The following SETDB1 variants were observed in gnomAD, a reference collection of about 807,000 sequenced individuals.
SETDB1 encodes histone-lysine N-methyltransferase SETDB1.
A neutral mutation model predicts 137.4 loss-of-function variants in SETDB1; 31 were observed. The ratio of observed to expected loss-of-function variants is 0.23; its 90% CI spans 0.17 to 0.30. The LOEUF (loss-of-function observed/expected upper bound fraction) is 0.30. SETDB1 is among the 10% of genes least tolerant of loss of function. SETDB1 has a pLI of 1.00. For synonymous variants in SETDB1, 548 were observed against 579.9 expected (o/e 0.95, Z 0.79); for missense variants, 1,113 against 1,631.5 (o/e 0.68, Z 5.47).
chr1:150,962,601 C>T lies in SETDB1; in HGVS notation c.3176C>T (p.Ser1059Phe), dbSNP rs139568050. The change falls in exon 18 of 22, where the codon TCT becomes TTT. Residue 1059 changes from serine to phenylalanine, a missense_variant. Transcript: ENST00000692827. ...RNKMSVVTES[S>F]RNYGYNPSPV... ...CCTCCCATTAGAGTTACTGAAAGCT[C>T]TCGAAATTACGGTTACAATCCTTCT... is the stretch of plus-strand genomic sequence containing the variant. 11 of 1,614,000 alleles carry T rather than the reference C, an allele frequency of 6.8e-6. No individual in the cohort carries two copies. In the African/African-American group the frequency reaches 1.3e-4, roughly 20 times the overall value.
Position 150,943,927 on chromosome 1 carries a change from A to G in SETDB1, c.883A>G (p.Ile295Val), listed in dbSNP as rs1304916332. Residue 295 changes from isoleucine (I) to valine (V), a missense_variant, in exon 8 of 22, where the codon ATT (isoleucine) becomes GTT (valine). By Grantham distance (29) the Ile-to-Val change is conservative. Around this residue, in one of 11 missense-constraint regions of SETDB1, gnomAD observed 154 missense variants for 303.1 expected, o/e 0.51. Transcript: ENST00000692827. ...GTCACTCTTCTTTTATAGGTTTCTC[A>G]TTTTCTTTGATGATGGCTATGCTTC... ...PNVKNKLRFLIFFDDGYASYV... is the reference protein window; with the variant it reads ...PNVKNKLRFLVFFDDGYASYV... 6 of 1,608,798 alleles carry G rather than the reference A, an allele frequency of 3.7e-6. No homozygotes were observed. The highest frequency in any genetic ancestry group is 2.2e-5 in the South Asian group (2 of 90,876).
chr1:150,946,936 C>A lies in SETDB1; in HGVS notation c.1191C>A (p.Pro397=), dbSNP rs1670350044. The change falls in exon 10 of 22, where the codon CCC becomes CCA. Residue 397 remains proline (P), a synonymous_variant. Transcript: ENST00000692827. ...WIYRGSTRLE[P]MFSMKTSSAS... is the part of the protein sequence containing the mutation. ...ATCGAGGCTCTACACGGCTGGAGCC[C>A]ATGTTCAGCATGAAAACATCCTCAG... 6.2e-7 allele frequency: 1 copy of A among 1,614,110 alleles called. No individual in the cohort carries two copies. The highest frequency in any genetic ancestry group is 1.3e-5 in the African/African-American group (1 of 75,048).
intron 15 of SETDB1, among the ~76,000 whole-genome samples, chr1:150,960,245 G>A (rs1221218931): frequency 6.6e-6 from 1 of 151,702 alleles, no homozygotes; most frequent in African/African-American, 2.4e-5. Flanking sequence ...AGGCTGAGGC[G>A]GGCAGATCAC....
Position 150,950,490 on chromosome 1 carries a change from C to T in SETDB1, c.1616C>T (p.Ala539Val). 1 of 1,609,610 alleles carries T rather than the reference C, an allele frequency of 6.2e-7. No homozygotes were observed. Among genetic ancestry groups the T allele is most frequent in the South Asian group, 1.1e-5 (1 of 90,586 alleles). The change falls in exon 13 of 22, where the codon GCA (alanine) becomes GTA (valine). Residue 539 changes from alanine to valine, a missense_variant. Physicochemically the swap from Ala to Val is moderately conservative, Grantham distance 64. Coordinates refer to ENST00000692827, the MANE Select transcript of SETDB1 (RefSeq NM_001366418.1). ...SPLGSTASAPAPSALPAPPAP... is the reference protein window; with the variant it reads ...SPLGSTASAPVPSALPAPPAP... ...TTAGGCTCCACAGCCTCTGCCCCAG[C>T]ACCCTCAGCACTCCCGGCCCCTCCA...
intron 9 of SETDB1, among the ~76,000 whole-genome samples, chr1:150,945,954 G>A (rs1670310891): frequency 6.6e-6 from 1 of 151,962 alleles, no homozygotes; most frequent in African/African-American, 2.4e-5. Flanking sequence ...CACCTGCCTT[G>A]TCCTCCCAAA....
chr1:150,953,173 C>T (rs1369246416), intron 14 of SETDB1, among the ~76,000 whole-genome samples: 1 of 152,146 alleles, frequency 6.6e-6, no homozygotes, highest in Non-Finnish European at 1.5e-5. Flanking sequence ...CGAAAGATTA[C>T]TTGAGGCCTG....
intron 3 of SETDB1, among the ~76,000 whole-genome samples, chr1:150,938,744 T>A (rs1369215744): frequency 1.3e-5 from 2 of 152,006 alleles, no homozygotes; most frequent in East Asian, 3.9e-4. Flanking sequence ...CCTCAGGTGA[T>A]CTGCCCACCT....
chr1:150,944,821 T>C, intron 8 of SETDB1, 97 bp from the exon 9 acceptor site: 1 of 1,390,846 alleles, frequency 7.2e-7, no homozygotes. Flanking sequence ...TTCTCTCCTT[T>C]TCAACTTAAA....
chr1:150,940,615 C>G (rs1670108008), intron 4 of SETDB1, among the ~76,000 whole-genome samples: 2 of 151,202 alleles, frequency 1.3e-5, no homozygotes, highest in Admixed American at 6.6e-5. Flanking sequence ...CGCCTGTAAT[C>G]CCAGCACTTT....
chr1:150,928,809 TG>T (rs1412957219), intron 2 of SETDB1, among the ~76,000 whole-genome samples: 2 of 152,096 alleles, frequency 1.3e-5, no homozygotes, highest in Non-Finnish European at 2.9e-5. Flanking sequence ...GTGTTCTCAT[TG>T]TTCAATTCCC....
Position 150,945,081 on chromosome 1 carries a change from T to C in SETDB1, c.1113T>C (p.Asp371=). ...GGAAGTCCCGAGTTGAGGAGGTGGA[T>C]GGCAGCCTAGTCAGGATCCTCTTCC... ...TWWKSRVEEV[D]GSLVRILFLD... is the part of the protein sequence containing the mutation. Residue 371 remains aspartate (D), a synonymous_variant, in exon 9 of 22, where the codon GAT becomes GAC. Coordinates refer to ENST00000692827, the MANE Select transcript of SETDB1 (RefSeq NM_001366418.1). 6.2e-7 allele frequency: 1 copy of C among 1,614,114 alleles called. No individual in the cohort carries two copies. The highest frequency in any genetic ancestry group is 8.5e-7 in the Non-Finnish European group (1 of 1,180,022).
chr1:150,962,410 G>C (rs913310657), intron 17 of SETDB1, among the ~76,000 whole-genome samples, 177 bp from the exon 18 acceptor site: 3 of 151,990 alleles, frequency 2.0e-5, no homozygotes, highest in Non-Finnish European at 4.4e-5. Context: ...CTCAAGCGAT[G>C]CTCCCAAAGG....
At chr1:150,948,844 G>A (rs911494783) in intron 10 of SETDB1, among the ~76,000 whole-genome samples, 18 of 151,354 alleles carry the variant, frequency 1.2e-4, no homozygotes, top group African/African-American at 3.4e-4. Context: ...TGCGCCTTCC[G>A]AGCAGCTGGA....
Position 150,943,067 on chromosome 1 carries a change from G to T in SETDB1, c.875+14G>T. 1 of 1,597,304 alleles carries T rather than the reference G, an allele frequency of 6.3e-7. No homozygotes were observed. On this transcript the variant is annotated intron_variant, in intron 7 of 21. Coordinates refer to ENST00000692827, the MANE Select transcript of SETDB1 (RefSeq NM_001366418.1). ...AAACAAGCTCAGGTACCTGGACAGA[G>T]GACTGTAAAGGGGTAGAGGCTGGGA... is the stretch of plus-strand genomic sequence containing the variant.
chr1:150,933,767 C>CTTTTTTTTTTTTTTTTTTTTTTTTTTTTT (rs1225714666), intron 3 of SETDB1, among the ~76,000 whole-genome samples: 1 of 116,820 alleles, frequency 8.6e-6, no homozygotes, highest in African/African-American at 3.4e-5. Flanking sequence ...TTTTCTTTTT[C>CTTTTTTTTTTTTTTTTTTTTTTTTTTTTT]TTTTTCTTTT....
intron 3 of SETDB1, among the ~76,000 whole-genome samples, chr1:150,935,139 T>A (rs1294682777): frequency 6.6e-6 from 1 of 152,214 alleles, no homozygotes. Context: ...GATATAGAAT[T>A]CTTGATTGAC....
intron 14 of SETDB1, among the ~76,000 whole-genome samples, chr1:150,955,873 G>T (rs1340106344): frequency 6.6e-6 from 1 of 151,956 alleles, no homozygotes; most frequent in Non-Finnish European, 1.5e-5. Context: ...CAGATCACTT[G>T]AGGTCAGGAG....
chr1:150,957,822 G>A (rs764046294), intron 14 of SETDB1, among the ~76,000 whole-genome samples: 4 of 152,142 alleles, frequency 2.6e-5, no homozygotes, highest in Non-Finnish European at 5.9e-5. Flanking sequence ...TCTCACCTCA[G>A]CATCCTCAGT....
At chr1:150,963,487 A>C in intron 19 of SETDB1, 43 bp from the exon 20 acceptor site, 6 of 1,464,666 alleles carry the variant, frequency 4.1e-6, no homozygotes, top group Non-Finnish European at 5.6e-6. Context: ...ATGTCTGTTC[A>C]TGAGTTGGGA....
Sources: gnomAD v4.1 joint callset for allele counts (sites outside exome capture counted in the v4.1 genomes callset) on GRCh38, gnomAD v4.1.1 for gene constraint, gnomAD v4.1.1 regional missense constraint, MANE v1.5 for transcripts, NCBI Gene and HGNC (gene_info 2026-07-23, HGNC 2026-07-21) for gene names.